CTNNA2: variants seen among roughly 807,000 people sequenced by gnomAD.
CTNNA2 encodes the protein catenin alpha 2.
CTNNA2 carries 42 observed loss-of-function variants against 101.0 expected under a neutral mutation model. The observed-to-expected ratio is 0.42, with a 90% CI of 0.32 to 0.54. The LOEUF (loss-of-function observed/expected upper bound fraction) is 0.54, where lower values mean the gene tolerates loss of function less well. CTNNA2 is among the 20% of genes least tolerant of loss of function. The pLI is 0.14. For synonymous variants in CTNNA2, 450 were observed against 456.4 expected, an observed-to-expected ratio of 0.99 and a Z score of 0.18; for missense variants, 871 against 1,223.1, an observed-to-expected ratio of 0.71 and a Z score of 4.29.
At chr2:80,606,715 G>T (rs1415482669) in intron 16 of CTNNA2, among the ~76,000 whole-genome samples, 2 of 151,838 alleles carry the variant, frequency 1.3e-5, no homozygotes, top group East Asian at 1.9e-4. Flanking sequence ...ATCAAGGACT[G>T]GATTGGTTAC....
At chr2:80,530,789 A>G (rs913654320) in intron 9 of CTNNA2, among the ~76,000 whole-genome samples, 2 of 152,202 alleles carry the variant, frequency 1.3e-5, no homozygotes, top group Non-Finnish European at 2.9e-5. Flanking sequence ...TGACTGAGGG[A>G]TCTGGCCTAC....
intron 11 of CTNNA2, among the ~76,000 whole-genome samples, chr2:80,554,882 T>A (rs1335462661): frequency 6.6e-6 from 1 of 152,192 alleles, no homozygotes; most frequent in Non-Finnish European, 1.5e-5. Flanking sequence ...ACACTGGACA[T>A]GAAAAATACA....
At chr2:79,491,269 G>A (rs1181535800) in intron 4 of CTNNA2, among the ~76,000 whole-genome samples, 1 of 151,986 alleles carries the variant, frequency 6.6e-6, no homozygotes, top group Non-Finnish European at 1.5e-5. Context: ...TAAAAAAGGG[G>A]GCTCAATGTG....
At chr2:80,037,675 A>C (rs1369036955) in intron 7 of CTNNA2, among the ~76,000 whole-genome samples, 1 of 152,190 alleles carries the variant, frequency 6.6e-6, no homozygotes, top group African/African-American at 2.4e-5. Context: ...TAAATGAGAT[A>C]GTGTATATAC....
chr2:79,523,447 A>G (rs1408505058), intron 1 of CTNNA2: 1 of 201,598 alleles, frequency 5.0e-6, no homozygotes, highest in Non-Finnish European at 1.0e-5. Context: ...TGTTTTTTTT[A>G]ACTCTTGCCT....
Position 79,635,125 on chromosome 2 carries a change from G to T in CTNNA2, c.-5-16427G>T, listed in dbSNP as rs753295952. ...TGCCAAGAGCCTTGATTAAGGCAGC[G>T]GTGGTGGAGAGAGAAAGAAGAGATG... On this transcript the variant is annotated intron_variant, in intron 1 of 18. Coordinates refer to ENST00000402739, the MANE Select transcript of CTNNA2 (RefSeq NM_001282597.3). 3.3e-5 allele frequency among the ~76,000 whole-genome samples: 5 copies of T among 152,272 alleles called. No individual in the cohort carries two copies. In the East Asian group the frequency reaches 7.7e-4, roughly 24 times the overall value.
chr2:80,551,446 C>T (rs1041936932), intron 11 of CTNNA2, among the ~76,000 whole-genome samples: 1 of 152,202 alleles, frequency 6.6e-6, no homozygotes, highest in African/African-American at 2.4e-5. Flanking sequence ...AGAAGGCTGT[C>T]TTGTCAACAT....
At chr2:79,700,240 G>T (rs564010318) in intron 2 of CTNNA2, among the ~76,000 whole-genome samples, 8 of 152,144 alleles carry the variant, frequency 5.3e-5, no homozygotes, top group Admixed American at 1.3e-4. Context: ...GTAGTATTAT[G>T]CTCATCATAA....
chr2:80,505,201 G>A (rs1379209318), intron 9 of CTNNA2, among the ~76,000 whole-genome samples: 3 of 152,222 alleles, frequency 2.0e-5, no homozygotes, highest in African/African-American at 7.2e-5. Context: ...CTGATGACAT[G>A]AAGTTTGAAT....
intron 12 of CTNNA2, 112 bp downstream of exon 12, chr2:80,556,005 T>C: frequency 1.4e-6 from 1 of 691,552 alleles, no homozygotes. Context: ...AAATTGCACA[T>C]AATTGTGGAA....
chr2:80,021,800 A>C (rs1436430549), intron 7 of CTNNA2, among the ~76,000 whole-genome samples: 1 of 152,152 alleles, frequency 6.6e-6, no homozygotes, highest in Non-Finnish European at 1.5e-5. Context: ...TATATAATAC[A>C]TCTCCTGAAC....
chr2:79,602,965 T>A (rs370781241), intron 1 of CTNNA2, among the ~76,000 whole-genome samples: 2 of 152,270 alleles, frequency 1.3e-5, no homozygotes, highest in East Asian at 3.9e-4. Flanking sequence ...GAATCTGAAG[T>A]TCACATATTA....
chr2:80,337,216 G>C (rs558653090), intron 7 of CTNNA2, among the ~76,000 whole-genome samples: 1 of 152,056 alleles, frequency 6.6e-6, no homozygotes. Flanking sequence ...TTAGCCGGGT[G>C]TGGTGGCACA....
At chr2:79,642,471 T>G (rs1004791755) in intron 1 of CTNNA2, among the ~76,000 whole-genome samples, 2 of 152,176 alleles carry the variant, frequency 1.3e-5, no homozygotes, top group Non-Finnish European at 2.9e-5. Context: ...AGCCAGGGCT[T>G]TGAATGGTTA....
chr2:80,407,020 G>A (rs1350607273), intron 8 of CTNNA2, among the ~76,000 whole-genome samples: 1 of 151,880 alleles, frequency 6.6e-6, no homozygotes, highest in Non-Finnish European at 1.5e-5. Context: ...TCCAGTCCAG[G>A]TCAGAACACC....
chr2:79,480,030 T>C (rs1446449468), intron 4 of CTNNA2, among the ~76,000 whole-genome samples: 3 of 152,062 alleles, frequency 2.0e-5, no homozygotes, highest in Admixed American at 2.0e-4. Context: ...GGCATCTGCA[T>C]CTAGAGTGGG....
chr2:79,340,114 A>G (rs1425737718), intron 3 of CTNNA2: 1 of 152,204 alleles, frequency 6.6e-6, no homozygotes, highest in East Asian at 1.9e-4. Context: ...TATAGAGAAA[A>G]GACTGAGAGG....
chr2:79,503,419 C>T (rs1468279971), intron 4 of CTNNA2, among the ~76,000 whole-genome samples: 3 of 152,254 alleles, frequency 2.0e-5, no homozygotes, highest in East Asian at 1.9e-4. Context: ...ACCATCAAGA[C>T]GTTCTGTACT....
At chr2:79,843,369 T>C (rs1024367298) in intron 3 of CTNNA2, among the ~76,000 whole-genome samples, 4 of 152,242 alleles carry the variant, frequency 2.6e-5, no homozygotes, top group Non-Finnish European at 5.9e-5. Context: ...CATCCGGTAA[T>C]GGATGCATGC....
Sources: allele counts gnomAD v4.1 joint callset (sites outside exome capture counted in the v4.1 genomes callset), GRCh38; gene constraint gnomAD v4.1.1; transcripts MANE v1.5; gene names NCBI Gene and HGNC (gene_info 2026-07-23, HGNC 2026-07-21).